Variants in KLF12 observed in about 807,000 individuals in gnomAD.
The protein encoded by KLF12 is KLF transcription factor 12.
In KLF12, 9 loss-of-function variants were observed where a neutral mutation model predicts 37.8. That is an observed-to-expected ratio of 0.24 (90% CI 0.14 to 0.42). The LOEUF (loss-of-function observed/expected upper bound fraction) is 0.42. KLF12 is among the 10% of genes least tolerant of loss of function. The pLI, the probability that KLF12 is intolerant of heterozygous loss-of-function variation, is 1.00. For synonymous variants in KLF12, 208 were observed against 202.1 expected (o/e 1.03, Z -0.25); for missense variants, 411 against 516.0 (o/e 0.80, Z 1.97).
intron 1 of KLF12, among the ~76,000 whole-genome samples, chr13:74,003,817 T>TA (rs1180794326): frequency 1.3e-5 from 2 of 152,224 alleles, no homozygotes; most frequent in African/African-American, 4.8e-5. Flanking sequence ...ATAAGTTATG[T>TA]AAGTTTCACA....
chr13:73,990,151 G>A (rs911949630), intron 2 of KLF12, among the ~76,000 whole-genome samples: 2 of 152,150 alleles, frequency 1.3e-5, no homozygotes, highest in Non-Finnish European at 2.9e-5. Context: ...GAAGGCCACA[G>A]ATATGGAAAA....
chr13:73,944,566 C>G lies in KLF12; in HGVS notation c.34-496G>C, dbSNP rs117754495. 3.7e-4 allele frequency among the ~76,000 whole-genome samples: 56 copies of G among 152,264 alleles called. No homozygotes were observed. In the East Asian group the frequency reaches 9.8e-3, roughly 27 times the overall value. ...ATTTAATTTTTATGTCATGGCAATT[C>G]TGGTCAAATGAAAATTTCTACCTAT... On this transcript the variant is annotated intron_variant, in intron 2 of 7. Transcript: ENST00000377669.
intron 4 of KLF12, among the ~76,000 whole-genome samples, chr13:73,843,462 C>T (rs1269447219): frequency 6.6e-6 from 1 of 152,108 alleles, no homozygotes; most frequent in African/African-American, 2.4e-5. Context: ...CGTGCGCCAC[C>T]ACCCCTGGCT....
intron 1 of KLF12, among the ~76,000 whole-genome samples, chr13:74,024,704 A>G (rs1258896598): frequency 6.6e-6 from 1 of 152,216 alleles, no homozygotes; most frequent in African/African-American, 2.4e-5. Context: ...TATTACTTTA[A>G]GAGAGATAGG....
At chr13:74,105,700 C>G (rs1472307773) in intron 1 of KLF12, among the ~76,000 whole-genome samples, 1 of 152,072 alleles carries the variant, frequency 6.6e-6, no homozygotes, top group East Asian at 1.9e-4. Flanking sequence ...TTAACCTAAG[C>G]AGAACATCTG....
chr13:74,137,963 G>T (rs754386956), upstream of KLF12, among the ~76,000 whole-genome samples: 7 of 152,204 alleles, frequency 4.6e-5, no homozygotes, highest in Non-Finnish European at 8.8e-5. Context: ...GTTTCTCCAT[G>T]TTGGTCAGGC....
the KLF12 span, among the ~76,000 whole-genome samples, chr13:74,269,700 C>T: frequency 6.6e-6 from 1 of 152,110 alleles, no homozygotes; most frequent in Admixed American, 6.6e-5. Context: ...AGCTCAAGTT[C>T]CTATGTGATA....
the KLF12 span, among the ~76,000 whole-genome samples, chr13:74,187,473 C>T: frequency 1.4e-4 from 21 of 152,002 alleles, no homozygotes; most frequent in Admixed American, 3.9e-4. Context: ...TCTGTGAGGT[C>T]GAATGAGATA....
the KLF12 span, among the ~76,000 whole-genome samples, chr13:74,248,149 C>T: frequency 6.6e-6 from 1 of 152,180 alleles, no homozygotes; most frequent in African/African-American, 2.4e-5. Flanking sequence ...AACAGGCCTA[C>T]ATGTAGTTGT....
chr13:74,066,923 C>G (rs1488241775), intron 1 of KLF12, among the ~76,000 whole-genome samples: 2 of 152,096 alleles, frequency 1.3e-5, no homozygotes. Flanking sequence ...CTTTGAAGAC[C>G]ATTTTAAAGA....
At chr13:74,013,119 T>C (rs1892591738) in intron 1 of KLF12, among the ~76,000 whole-genome samples, 1 of 152,218 alleles carries the variant, frequency 6.6e-6, no homozygotes, top group Non-Finnish European at 1.5e-5. Flanking sequence ...AGGCCCCTCA[T>C]GGGAACGGAT....
At chr13:73,796,545 G>C (rs1282511050) in intron 5 of KLF12, among the ~76,000 whole-genome samples, 2 of 145,504 alleles carry the variant, frequency 1.4e-5, no homozygotes, top group Non-Finnish European at 3.0e-5. Context: ...GTGTGTGTGT[G>C]TGTTATTAAA....
chr13:74,178,745 T>C, the KLF12 span, among the ~76,000 whole-genome samples: 30 of 152,310 alleles, frequency 2.0e-4, no homozygotes, highest in African/African-American at 7.0e-4. Flanking sequence ...GACCCCAATC[T>C]ATAGGCTGAC....
chr13:73,875,185 G>T (rs1886647603), intron 3 of KLF12, among the ~76,000 whole-genome samples: 1 of 151,576 alleles, frequency 6.6e-6, no homozygotes. Flanking sequence ...ATATACAAAA[G>T]AATACAATTA....
intron 1 of KLF12, among the ~76,000 whole-genome samples, chr13:74,063,615 T>G (rs1053086537): frequency 2.0e-5 from 3 of 152,130 alleles, no homozygotes; most frequent in African/African-American, 7.2e-5. Flanking sequence ...TACCACTACA[T>G]GTACTCAGCA....
intron 5 of KLF12, among the ~76,000 whole-genome samples, chr13:73,791,635 A>T (rs2138271078): frequency 6.6e-6 from 1 of 152,210 alleles, no homozygotes; most frequent in African/African-American, 2.4e-5. Context: ...CTGTACTTGC[A>T]TTATTTTTTC....
chr13:73,735,947 C>CTTT (rs925207696), intron 6 of KLF12, among the ~76,000 whole-genome samples: 1 of 127,106 alleles, frequency 7.9e-6, no homozygotes, highest in African/African-American at 3.4e-5. Context: ...GATTTTCTTT[C>CTTT]TTTCTTTTTC....
At chr13:74,241,203 A>G in the KLF12 span, among the ~76,000 whole-genome samples, 13 of 152,152 alleles carry the variant, frequency 8.5e-5, no homozygotes, top group South Asian at 4.1e-4. Flanking sequence ...GTACCCAGCC[A>G]TGTGAGGTGT....
intron 7 of KLF12, among the ~76,000 whole-genome samples, chr13:73,700,047 A>G (rs1874430979): frequency 1.3e-5 from 2 of 152,052 alleles, no homozygotes; most frequent in Admixed American, 1.3e-4. Flanking sequence ...GAGAGGATCA[A>G]TCACTTGAGG....
Sources: allele counts gnomAD v4.1 joint callset (sites outside exome capture counted in the v4.1 genomes callset), GRCh38; gene constraint gnomAD v4.1.1; transcripts MANE v1.5; gene names NCBI Gene and HGNC (gene_info 2026-07-23, HGNC 2026-07-21).